The following RYR2 variants were observed in gnomAD, a reference collection of about 807,000 sequenced individuals.
RYR2 encodes the protein ryanodine receptor 2.
RYR2 carries 227 observed loss-of-function variants against 601.1 expected under a neutral mutation model. That is an observed-to-expected ratio of 0.38 (90% CI 0.34 to 0.42). The LOEUF (loss-of-function observed/expected upper bound fraction) is 0.42. Among genes scored for constraint, RYR2 ranks in the 10% least tolerant of loss-of-function variants. RYR2 has a pLI of 1.00. For missense variants in RYR2, 4,646 were observed against 6,156.5 expected (o/e 0.75, Z 8.21); for synonymous variants, 2,223 against 2,175.1 (o/e 1.02, Z -0.61).
Position 237,308,536 on chromosome 1 carries a change from G to A in RYR2, c.169-22342G>A, listed in dbSNP as rs369642431. 1.4e-4 allele frequency among the ~76,000 whole-genome samples: 21 copies of A among 152,184 alleles called. 1 individual carries two copies. The highest frequency in any genetic ancestry group is 4.6e-4 in the African/African-American group (19 of 41,466). On this transcript the variant is annotated intron_variant, in intron 2 of 104. Coordinates refer to ENST00000366574, the MANE Select transcript of RYR2 (RefSeq NM_001035.3). ...TCAATGACTTCAAGAATGAAGCCGC[G>A]GACCCTTGCGGTGAGTGTTACAGTT...
Position 237,388,102 on chromosome 1 carries a change from G to A in RYR2, c.692G>A (p.Gly231Asp). The A allele has an allele frequency of 6.2e-7, 1 of 1,613,834 alleles. No homozygotes were observed. Among genetic ancestry groups the A allele is most frequent in the Non-Finnish European group, 8.5e-7 (1 of 1,179,854 alleles). ...SEAAQGYLIG[G>D]DVLRLLHGHM... ...ATCCTTACAGGGTATCTCATTGGTGGTGATGTCCTCAGGTTGCTGCATGGA... is the reference window on the plus strand; with the variant it reads ...ATCCTTACAGGGTATCTCATTGGTGATGATGTCCTCAGGTTGCTGCATGGA... The change falls in exon 10 of 105, where the codon GGT becomes GAT. Residue 231 changes from glycine (G) to aspartate (D), a missense_variant. This residue lies in a region of RYR2 where 87 missense variants were observed against 144.7 expected (regional missense o/e 0.60). Transcript: ENST00000366574.
intron 1 of RYR2, among the ~76,000 whole-genome samples, chr1:237,101,466 G>C (rs1270914613): frequency 6.6e-6 from 1 of 151,850 alleles, no homozygotes; most frequent in Non-Finnish European, 1.5e-5. Flanking sequence ...CATTCTATAA[G>C]TTAGTCAATT....
At chr1:237,552,562 T>A (rs1033183302) in intron 27 of RYR2, among the ~76,000 whole-genome samples, 1 of 152,072 alleles carries the variant, frequency 6.6e-6, no homozygotes, top group Non-Finnish European at 1.5e-5. Flanking sequence ...TTGTAAGTTC[T>A]ATCATTACAG....
chr1:237,268,960 AAGG>A, intron 1 of RYR2, among the ~76,000 whole-genome samples: 1 of 149,784 alleles, frequency 6.7e-6, no homozygotes, highest in Non-Finnish European at 1.5e-5. Context: ...AAAAAAAAAA[AAGG>A]AAATAAAGGC....
chr1:237,691,350 A>T (rs755506891), intron 63 of RYR2, among the ~76,000 whole-genome samples: 1 of 152,178 alleles, frequency 6.6e-6, no homozygotes, highest in Non-Finnish European at 1.5e-5. Context: ...TTAAAAAAAA[A>T]TGAAGAGACA....
chr1:237,629,502 T>C (rs1188901011), intron 41 of RYR2, among the ~76,000 whole-genome samples: 3 of 151,940 alleles, frequency 2.0e-5, no homozygotes, highest in African/African-American at 7.2e-5. Context: ...TTCTGGAAGA[T>C]AGGATGTTAA....
chr1:237,475,674 T>C lies in RYR2; in HGVS notation c.1708+6487T>C, dbSNP rs147922479. Among the ~76,000 whole-genome samples, 18 of 152,312 alleles carry C rather than the reference T, an allele frequency of 1.2e-4. No homozygotes were observed. The East Asian group carries it at 3.1e-3, about 26-fold the overall frequency. ...TATAGATTTGTGGGATACGGTGTGATGTTATGATGTATGTATATAATATAG... is the reference window on the plus strand; with the variant it reads ...TATAGATTTGTGGGATACGGTGTGACGTTATGATGTATGTATATAATATAG... On this transcript the variant is annotated intron_variant, in intron 17 of 104. Coordinates refer to ENST00000366574, the MANE Select transcript of RYR2 (RefSeq NM_001035.3).
intron 61 of RYR2, 109 bp downstream of exon 61, chr1:237,678,221 A>G: frequency 1.5e-6 from 1 of 646,050 alleles, no homozygotes. Context: ...TGTGTATTTT[A>G]CTGCACGTAA....
At chr1:237,746,320 A>T (rs140865196) in intron 80 of RYR2, among the ~76,000 whole-genome samples, 7 of 152,188 alleles carry the variant, frequency 4.6e-5, no homozygotes, top group African/African-American at 1.7e-4. Flanking sequence ...ATTGAATTCT[A>T]TCCCTATACC....
rs777939821 is a variant in RYR2, at chr1:237,783,921, C to A, written c.12209C>A (p.Ala4070Glu). ...GAAACGGAATTTCTTTTGTCTTGTG[C>A]GGAGACGGATGAGAATGAAACCCTC... ...QSETEFLLSC[A>E]ETDENETLDY... The change falls in exon 90 of 105, where the codon GCG (alanine) becomes GAG (glutamate). Residue 4070 changes from alanine to glutamate, a missense_variant. This residue lies in a region of RYR2 where 66 missense variants were observed against 80.7 expected (regional missense o/e 0.82). Coordinates refer to ENST00000366574, the MANE Select transcript of RYR2 (RefSeq NM_001035.3). The A allele has an allele frequency of 1.2e-6, 2 of 1,613,004 alleles. No homozygotes were observed. The highest frequency in any genetic ancestry group is 1.7e-6 in the Non-Finnish European group (2 of 1,179,522).
At chr1:237,241,420 A>G (rs1482053412) in intron 1 of RYR2, among the ~76,000 whole-genome samples, 1 of 152,218 alleles carries the variant, frequency 6.6e-6, no homozygotes, top group East Asian at 1.9e-4. Flanking sequence ...GTTGGTCACT[A>G]TATTTAAATA....
intron 100 of RYR2, among the ~76,000 whole-genome samples, chr1:237,810,467 A>C (rs929541882): frequency 6.6e-6 from 1 of 152,190 alleles, no homozygotes; most frequent in African/African-American, 2.4e-5. Flanking sequence ...GTTTGTTAAA[A>C]CCCACAGTTG....
chr1:237,625,527 A>G (rs1679552857), intron 39 of RYR2, 134 bp from the exon 40 acceptor site: 1 of 825,322 alleles, frequency 1.2e-6, no homozygotes, highest in Non-Finnish European at 1.9e-6. Context: ...GGTAAGCAAC[A>G]TTGCTTAACT....
chr1:237,181,173 G>A (rs1678713916), intron 1 of RYR2, among the ~76,000 whole-genome samples: 3 of 151,866 alleles, frequency 2.0e-5, no homozygotes, highest in Admixed American at 2.0e-4. Context: ...TAGTACAGAT[G>A]GAGTTTTACC....
intron 79 of RYR2, among the ~76,000 whole-genome samples, chr1:237,740,970 G>T (rs1691556590): frequency 6.6e-6 from 1 of 152,092 alleles, no homozygotes; most frequent in African/African-American, 2.4e-5. Flanking sequence ...TTAAATCCTG[G>T]CTGACTAATA....
chr1:237,707,938 AT>A (rs57642607), intron 68 of RYR2, among the ~76,000 whole-genome samples: 28,176 of 119,992 alleles, frequency 0.23, 3,432 homozygotes, highest in East Asian at 0.55. Context: ...TGCCCAGCTA[AT>A]TTTTTTTTTT....
rs1344901810 is a variant in RYR2 at position 237,783,861 on chromosome 1, A to G, written c.12149A>G (p.Lys4050Arg). ...KGVISKRDFHKAMESHKHYTQ... is the reference protein window; with the variant it reads ...KGVISKRDFHRAMESHKHYTQ... The stretch of plus-strand genomic sequence containing the variant: ...GTCATTTCCAAGAGGGACTTCCACA[A>G]AGCGATGGAGAGCCATAAGCACTAC... The change falls in exon 90 of 105, where the codon AAA becomes AGA. Residue 4050 changes from lysine (K) to arginine (R), a missense_variant. Lys to Arg is a conservative substitution (Grantham distance 26). Around this residue, in one of 17 missense-constraint regions of RYR2, gnomAD observed 66 missense variants for 80.7 expected, o/e 0.82. Coordinates refer to ENST00000366574, the MANE Select transcript of RYR2 (RefSeq NM_001035.3). The G allele has an allele frequency of 6.2e-7, 1 of 1,613,914 alleles. No individual in the cohort carries two copies. The highest frequency in any genetic ancestry group is 8.5e-7 in the Non-Finnish European group (1 of 1,179,858).
At position 237,654,366 on chromosome 1, in the gene RYR2, T is replaced by C. The variant is rs1261109798; in HGVS notation, c.7917T>C (p.His2639=). ...GTGCTGCCTCAGAAGAAGAACTTCA[T>C]TTATCAAGAAAGTTGTTCTGGGGCA... ...NFGAASEEEL[H]LSRKLFWGIF... The change falls in exon 52 of 105, where the codon CAT becomes CAC. Residue 2639 remains histidine (H), a synonymous_variant. Coordinates refer to ENST00000366574, the MANE Select transcript of RYR2 (RefSeq NM_001035.3). 6.2e-7 allele frequency: 1 copy of C among 1,613,958 alleles called. No individual in the cohort carries two copies. Among genetic ancestry groups the C allele is most frequent in the South Asian group, 1.1e-5 (1 of 91,084 alleles).
Position 237,200,324 on chromosome 1 carries a change from G to A in RYR2, c.49-70173G>A, listed in dbSNP as rs373920741. ...TGTTGCCCGGGTTGGAGTGCAGTGA[G>A]CATGATCTTCATTCACTGCAGCCTC... On this transcript the variant is annotated intron_variant, in intron 1 of 104. Coordinates refer to ENST00000366574, the MANE Select transcript of RYR2 (RefSeq NM_001035.3). Among the ~76,000 whole-genome samples the A allele has an allele frequency of 9.9e-5, 15 of 151,930 alleles. No individual in the cohort carries two copies. The East Asian group carries it at 2.7e-3, about 27-fold the overall frequency.
Sources: allele counts gnomAD v4.1 joint callset (sites outside exome capture counted in the v4.1 genomes callset), GRCh38; gene constraint gnomAD v4.1.1; regional missense constraint gnomAD v4.1.1; transcripts MANE v1.5; gene names NCBI Gene and HGNC (gene_info 2026-07-23, HGNC 2026-07-21).